RIMKLB: variants seen among roughly 807,000 people sequenced by gnomAD.
RIMKLB encodes ribosomal modification protein rimK like family member B, also known as beta-citrylglutamate synthase B.
RIMKLB carries 7 observed loss-of-function variants against 32.0 expected under a neutral mutation model. The observed-to-expected ratio is 0.22, with a 90% CI of 0.12 to 0.41. The LOEUF is 0.41. RIMKLB is among the 10% of genes least tolerant of loss of function. RIMKLB has a pLI of 1.00. For missense variants in RIMKLB, 289 were observed against 498.7 expected, an observed-to-expected ratio of 0.58 and a Z score of 4.00; for synonymous variants, 172 against 185.1, an observed-to-expected ratio of 0.93 and a Z score of 0.57.
intron 5 of RIMKLB, among the ~76,000 whole-genome samples, chr12:8,757,954 CT>C (rs772308279): frequency 0.031 from 4,468 of 142,630 alleles, 173 homozygotes; most frequent in African/African-American, 0.1. Context: ...GAACTTTTGT[CT>C]TTTTTTTTTT....
At chr12:8,701,826 A>G (rs919857611) in intron 1 of RIMKLB, among the ~76,000 whole-genome samples, 5 of 151,808 alleles carry the variant, frequency 3.3e-5, no homozygotes, top group South Asian at 2.1e-4. Flanking sequence ...CCAAAATGGC[A>G]AAACCCCATC....
chr12:8,749,484 C>T (rs765262005), intron 2 of RIMKLB, among the ~76,000 whole-genome samples: 16 of 152,178 alleles, frequency 1.1e-4, no homozygotes, highest in Admixed American at 1.3e-4. Context: ...GTTGGGATTA[C>T]GGCATGAGCC....
intron 1 of RIMKLB, among the ~76,000 whole-genome samples, chr12:8,711,920 T>G (rs1944409595): frequency 1.3e-5 from 2 of 152,094 alleles, no homozygotes; most frequent in Admixed American, 6.5e-5. Context: ...GAGACCGAAA[T>G]GCAACCCATA....
intron 1 of RIMKLB, chr12:8,700,008 T>C (rs1943249139): frequency 6.6e-6 from 1 of 152,244 alleles, no homozygotes. Context: ...GTGGATAGCT[T>C]TCTTATTTTG....
intron 2 of RIMKLB, among the ~76,000 whole-genome samples, chr12:8,738,215 T>A (rs1947196254): frequency 6.6e-6 from 1 of 152,164 alleles, no homozygotes; most frequent in Admixed American, 6.5e-5. Flanking sequence ...CTAAGTTTTG[T>A]ATTTTTTTGT....
downstream of RIMKLB, chr12:8,780,649 TAGG>T (rs1373818338): frequency 6.6e-6 from 1 of 152,154 alleles, no homozygotes; most frequent in East Asian, 1.9e-4. Flanking sequence ...AAAGTCTGCA[TAGG>T]AGAAGAGATA....
intron 2 of RIMKLB, among the ~76,000 whole-genome samples, chr12:8,719,073 C>T (rs1412957512): frequency 3.3e-5 from 5 of 152,150 alleles, no homozygotes; most frequent in African/African-American, 1.2e-4. Flanking sequence ...TTCCCTCCCT[C>T]TCACCCATCT....
Position 8,775,216 on chromosome 12 carries a change from A to T in RIMKLB, c.*1432A>T. On this transcript the variant is annotated 3_prime_UTR_variant, in exon 6 of 6. Transcript: ENST00000535829. ...TCTCTTTTTACATATAGGATTTGGG[A>T]TTGGGGGTGGGTTGGATGTTTTTGT... 1 of 984,574 alleles carries T rather than the reference A, an allele frequency of 1.0e-6. No individual in the cohort carries two copies. Among genetic ancestry groups the T allele is most frequent in the Non-Finnish European group, 1.2e-6 (1 of 829,470 alleles). The allele number at this position is 984,574 out of a possible 1,614,324, so 61.0% of individuals were successfully genotyped here.
At chr12:8,686,543 G>A (rs769194123) in intron 1 of RIMKLB, among the ~76,000 whole-genome samples, 2 of 151,296 alleles carry the variant, frequency 1.3e-5, no homozygotes, top group South Asian at 4.2e-4. Context: ...GCAGTGGCGC[G>A]ATCTCGGCTC....
intron 1 of RIMKLB, chr12:8,699,920 C>G (rs772944377): frequency 6.6e-5 from 10 of 152,336 alleles, no homozygotes; most frequent in South Asian, 6.2e-4. Flanking sequence ...CCTTGCCCCC[C>G]CGCAGGGGGT....
At chr12:8,687,905 T>C (rs1164089100) in intron 1 of RIMKLB, among the ~76,000 whole-genome samples, 1 of 149,514 alleles carries the variant, frequency 6.7e-6, no homozygotes, top group Admixed American at 6.7e-5. Context: ...GGGAGAGTGA[T>C]GGATGGCACT....
intron 5 of RIMKLB, among the ~76,000 whole-genome samples, chr12:8,767,462 GTC>G (rs1249030075): frequency 6.6e-6 from 1 of 152,196 alleles, no homozygotes; most frequent in East Asian, 1.9e-4. Flanking sequence ...GGAAATGAAA[GTC>G]TGAATCATTA....
chr12:8,778,472 A>C (rs1332851319), downstream of RIMKLB, among the ~76,000 whole-genome samples: 3 of 152,226 alleles, frequency 2.0e-5, no homozygotes, highest in African/African-American at 7.2e-5. Context: ...TTATCAGAAA[A>C]TCATGGTTTA....
intron 1 of RIMKLB, among the ~76,000 whole-genome samples, chr12:8,708,099 T>C (rs750710626): frequency 6.6e-6 from 1 of 152,324 alleles, no homozygotes; most frequent in Admixed American, 6.5e-5. Flanking sequence ...TAGAGTTCTA[T>C]ACAGATTCCA....
chr12:8,681,555 C>G (rs139627382), upstream of RIMKLB: 4 of 152,146 alleles, frequency 2.6e-5, no homozygotes, highest in Non-Finnish European at 5.9e-5. Context: ...AAACTGCTCA[C>G]GTAAAGACCA....
rs150336222 is a variant in RIMKLB, at chr12:8,684,138, T to G, written n.219+2320T>G. On this transcript the variant is annotated intron_variant and non_coding_transcript_variant, in intron 1 of 1. Transcript: ENST00000538758. ...AAAGGATTATGCCTTTGGTGTCGTA[T>G]CTAAAAAGTTATTGCCATACTGAAG... Among the ~76,000 whole-genome samples, 516 of 152,230 alleles carry G rather than the reference T, an allele frequency of 3.4e-3. 5 individuals carry two copies. Among genetic ancestry groups the G allele is most frequent in the African/African-American group, 0.012 (497 of 41,552 alleles).
upstream of RIMKLB, among the ~76,000 whole-genome samples, chr12:8,692,603 T>A (rs1171418742): frequency 2.0e-5 from 3 of 152,238 alleles, no homozygotes; most frequent in East Asian, 5.8e-4. Flanking sequence ...GTGTTTTCTT[T>A]CCACCCATTC....
intron 5 of RIMKLB, 137 bp from the exon 6 acceptor site, chr12:8,773,184 A>C: frequency 1.6e-6 from 1 of 631,402 alleles, no homozygotes. Context: ...TAGACTTAGA[A>C]GTCCTAATTT....
upstream of RIMKLB, among the ~76,000 whole-genome samples, chr12:8,693,506 C>A (rs1942792063): frequency 6.6e-6 from 1 of 151,644 alleles, no homozygotes; most frequent in Non-Finnish European, 1.5e-5. Flanking sequence ...AAGTGATTCT[C>A]CTGCCTCAGC....
Sources: allele counts gnomAD v4.1 joint callset (sites outside exome capture counted in the v4.1 genomes callset), GRCh38; gene constraint gnomAD v4.1.1; transcripts MANE v1.5; gene names NCBI Gene and HGNC (gene_info 2026-07-23, HGNC 2026-07-21).